The following ADAMTSL1 variants were observed in gnomAD, a reference collection of about 807,000 sequenced individuals.
ADAMTSL1 encodes the protein ADAMTS-like protein 1.
Under a neutral mutation model 201.8 loss-of-function variants are expected in ADAMTSL1, and 126 were observed. The ratio of observed to expected loss-of-function variants is 0.62; its 90% CI spans 0.54 to 0.72. The LOEUF (loss-of-function observed/expected upper bound fraction) is 0.72, where lower values mean the gene tolerates loss of function less well. Ranked by LOEUF, ADAMTSL1 falls within the 30% of genes least tolerant of loss-of-function variation. The pLI is 0.00. For missense variants in ADAMTSL1, 2,679 were observed against 2,277.8 expected (o/e 1.18, Z -3.59); for synonymous variants, 1,121 against 903.4 (o/e 1.24, Z -4.32).
intron 1 of ADAMTSL1, among the ~76,000 whole-genome samples, chr9:18,151,623 C>A (rs928213826): frequency 5.3e-5 from 8 of 151,776 alleles, no homozygotes; most frequent in African/African-American, 1.9e-4. Flanking sequence ...GTTTAAGATA[C>A]TTGTTCTTGG....
chr9:18,211,324 C>G (rs796425151), intron 2 of ADAMTSL1, among the ~76,000 whole-genome samples: 8 of 152,264 alleles, frequency 5.3e-5, no homozygotes, highest in African/African-American at 1.9e-4. Context: ...TGGCCCCCCT[C>G]CATTTTTTCC....
intron 4 of ADAMTSL1, among the ~76,000 whole-genome samples, chr9:18,604,512 A>G (rs1824879991): frequency 6.6e-6 from 1 of 152,120 alleles, no homozygotes; most frequent in African/African-American, 2.4e-5. Flanking sequence ...AAATCATATA[A>G]TATTTGTCCT....
intron 2 of ADAMTSL1, among the ~76,000 whole-genome samples, chr9:18,209,602 T>C (rs1829788928): frequency 6.6e-6 from 1 of 152,190 alleles, no homozygotes; most frequent in Admixed American, 6.5e-5. Flanking sequence ...AGTTTAATTA[T>C]CATAGCTTTT....
chr9:18,480,684 A>G (rs1821680292), intron 1 of ADAMTSL1, among the ~76,000 whole-genome samples: 1 of 152,240 alleles, frequency 6.6e-6, no homozygotes, highest in South Asian at 2.1e-4. Context: ...GTAAGTACTA[A>G]TACCGTTTTC....
At chr9:18,706,065 C>T (rs1832212856) in intron 13 of ADAMTSL1, among the ~76,000 whole-genome samples, 1 of 152,218 alleles carries the variant, frequency 6.6e-6, no homozygotes, top group Non-Finnish European at 1.5e-5. Context: ...CAGGGCAGCC[C>T]TGAGGGCTGC....
intron 1 of ADAMTSL1, among the ~76,000 whole-genome samples, chr9:18,102,493 A>G (rs1184310379): frequency 6.6e-6 from 1 of 152,208 alleles, no homozygotes; most frequent in Non-Finnish European, 1.5e-5. Context: ...GTCTTGGTTC[A>G]GTTAGTTAGT....
At chr9:18,720,966 C>T (rs480335) in intron 14 of ADAMTSL1, among the ~76,000 whole-genome samples, 130,843 of 152,030 alleles carry the variant, frequency 0.86, 56,738 homozygotes, top group Admixed American at 0.91. Context: ...TCTTATTCTC[C>T]TTCTTTGTTC....
chr9:18,326,017 C>T (rs1367938843), intron 2 of ADAMTSL1, among the ~76,000 whole-genome samples: 3 of 152,188 alleles, frequency 2.0e-5, no homozygotes, highest in Non-Finnish European at 4.4e-5. Context: ...GCTGGGATTA[C>T]AGGTGTGAGC....
At chr9:18,572,499 T>C (rs1822396701) in intron 3 of ADAMTSL1, among the ~76,000 whole-genome samples, 1 of 152,200 alleles carries the variant, frequency 6.6e-6, no homozygotes, top group Non-Finnish European at 1.5e-5. Flanking sequence ...TTATATACAT[T>C]ATTCTTTTCC....
chr9:18,466,191 T>C (rs953650352), intron 2 of ADAMTSL1, among the ~76,000 whole-genome samples: 29 of 152,214 alleles, frequency 1.9e-4, no homozygotes, highest in African/African-American at 7.0e-4. Flanking sequence ...GTTTTGGATT[T>C]TAACTTCTAG....
intron 4 of ADAMTSL1, among the ~76,000 whole-genome samples, chr9:18,596,700 T>G (rs575171924): frequency 1.6e-4 from 24 of 152,148 alleles, no homozygotes; most frequent in Non-Finnish European, 2.8e-4. Context: ...TTATGAGAGA[T>G]TTTGTATTGT....
At chr9:18,382,169 T>C (rs1837586357) in intron 2 of ADAMTSL1, among the ~76,000 whole-genome samples, 2 of 152,312 alleles carry the variant, frequency 1.3e-5, no homozygotes, top group East Asian at 3.9e-4. Context: ...AATGAGTGGC[T>C]TTTAAAACCA....
At chr9:18,210,714 G>A (rs899618425) in intron 2 of ADAMTSL1, among the ~76,000 whole-genome samples, 21 of 151,584 alleles carry the variant, frequency 1.4e-4, no homozygotes, top group African/African-American at 4.3e-4. Context: ...CAAAGGCAAC[G>A]AACAGCTCTG....
intron 1 of ADAMTSL1, among the ~76,000 whole-genome samples, chr9:17,997,954 G>T (rs898537249): frequency 2.0e-5 from 3 of 151,958 alleles, no homozygotes; most frequent in Non-Finnish European, 2.9e-5. Flanking sequence ...ACCTGGAATG[G>T]CTGGCACCAC....
At chr9:18,577,623 C>G (rs1180573481) in intron 4 of ADAMTSL1, among the ~76,000 whole-genome samples, 2 of 152,028 alleles carry the variant, frequency 1.3e-5, no homozygotes, top group Non-Finnish European at 2.9e-5. Flanking sequence ...CATAGTGTAC[C>G]AAAGTGAGAA....
intron 2 of ADAMTSL1, among the ~76,000 whole-genome samples, chr9:18,247,988 T>G (rs1831326994): frequency 6.6e-6 from 1 of 152,146 alleles, no homozygotes; most frequent in Non-Finnish European, 1.5e-5. Context: ...TTCCACGGAC[T>G]GGGGAAGACA....
chr9:17,965,436 T>C (rs1817946295), intron 1 of ADAMTSL1, among the ~76,000 whole-genome samples: 2 of 152,176 alleles, frequency 1.3e-5, no homozygotes, highest in South Asian at 4.1e-4. Flanking sequence ...ACTGAATTTC[T>C]GGCATTGTGG....
intron 13 of ADAMTSL1, among the ~76,000 whole-genome samples, chr9:18,696,865 A>ATATTATTGTTATTATTAT (rs1831582690): frequency 7.0e-6 from 1 of 142,282 alleles, no homozygotes; most frequent in Non-Finnish European, 1.5e-5. Flanking sequence ...CATGTCAAAA[A>ATATTATTGTTATTATTAT]TATTATTATT....
At chr9:18,428,613 GA>G (rs1301159676) in intron 2 of ADAMTSL1, among the ~76,000 whole-genome samples, 1 of 151,348 alleles carries the variant, frequency 6.6e-6, no homozygotes, top group East Asian at 1.9e-4. Flanking sequence ...TCTCAAAAAA[GA>G]AAAAAACAAA....
Sources: gnomAD v4.1 joint callset for allele counts (sites outside exome capture counted in the v4.1 genomes callset) on GRCh38, gnomAD v4.1.1 for gene constraint, MANE v1.5 for transcripts, NCBI Gene and HGNC (gene_info 2026-07-23, HGNC 2026-07-21) for gene names.